CORO7: variants seen among roughly 807,000 people sequenced by gnomAD.
CORO7 encodes coronin-7.
A neutral mutation model predicts 126.6 loss-of-function variants in CORO7; 107 were observed. That is an observed-to-expected ratio of 0.85 (90% confidence interval 0.72 to 0.99). The LOEUF is 0.99. Ranked by LOEUF, CORO7 falls within the 50% of genes least tolerant of loss-of-function variation. The pLI is 0.00. For synonymous variants in CORO7, 603 were observed against 536.8 expected, an observed-to-expected ratio of 1.12 and a Z score of -1.70; for missense variants, 1,314 against 1,255.8, an observed-to-expected ratio of 1.05 and a Z score of -0.70.
chr16:4,414,907 G>A (rs2056350438), intron 1 of CORO7, among the ~76,000 whole-genome samples: 1 of 152,030 alleles, frequency 6.6e-6, no homozygotes, highest in Admixed American at 6.6e-5. Context: ...TATTGCCCAG[G>A]CTGGTGTGTA....
In CORO7 at chr16:4,381,605, G is replaced by T. The variant is rs764197715; in HGVS notation, c.785+6381C>A. On this transcript the variant is annotated intron_variant, in intron 9 of 27. Coordinates refer to ENST00000251166, the MANE Select transcript of CORO7 (RefSeq NM_024535.5). Reference sequence around the variant, plus strand: ...ATCCGAGGCCTCCGGGGCCTGACGCGCCTGCGGCTGGCCGGCAACACCCGC... The same window carrying T: ...ATCCGAGGCCTCCGGGGCCTGACGCTCCTGCGGCTGGCCGGCAACACCCGC... The T allele has an allele frequency of 2.7e-4, 429 of 1,598,442 alleles. No homozygotes were observed. Among genetic ancestry groups the T allele is most frequent in the Non-Finnish European group, 3.5e-4 (416 of 1,173,270 alleles).
rs1293769488 is a variant in CORO7 at position 4,359,520 on chromosome 16, C to G, written c.2210G>C (p.Ser737Thr). 1.2e-6 allele frequency: 2 copies of G among 1,613,454 alleles called. No homozygotes were observed. Among genetic ancestry groups the G allele is most frequent in the Admixed American group, 3.3e-5 (2 of 60,008 alleles). The change falls in exon 22 of 28, where the codon AGC becomes ACC. Residue 737 changes from serine to threonine, a missense_variant. Ser to Thr is a moderately conservative substitution (Grantham distance 58). Coordinates refer to ENST00000251166, the MANE Select transcript of CORO7 (RefSeq NM_024535.5). ...LDVAPSTLLP[S>T]YDPDTGLVLL... ...CACCAGGCCAGTGTCTGGGTCGTAGCTGGGCAGCAGGGTTGAGGGAGCCAC... is the reference window on the plus strand; with the variant it reads ...CACCAGGCCAGTGTCTGGGTCGTAGGTGGGCAGCAGGGTTGAGGGAGCCAC...
chr16:4,412,811 A>G (rs2056263687), intron 2 of CORO7: 1 of 282,464 alleles, frequency 3.5e-6, no homozygotes, highest in East Asian at 7.2e-5. Context: ...CAGGGCCGAC[A>G]GTACATGTGA....
rs1262134613 is a variant in CORO7, at chr16:4,380,881, T to G, written c.785+7105A>C. The G allele has an allele frequency of 6.6e-7, 1 of 1,520,824 alleles. No homozygotes were observed. Among genetic ancestry groups the G allele is most frequent in the African/African-American group, 1.4e-5 (1 of 72,520 alleles). 94.2% of individuals were successfully genotyped at this position (1,520,824 alleles called of 1,614,324 possible). A position where few individuals can be genotyped will look rare whatever the true frequency, so the allele number is the denominator to read the frequency against. ...TCTCTGCTCCCAGGGACAGAAGATG[T>G]GCTCCAGGGTCCCTCTGCTGCTGCC... On this transcript the variant is annotated intron_variant, in intron 9 of 27. Transcript: ENST00000251166.
intron 9 of CORO7, among the ~76,000 whole-genome samples, chr16:4,380,355 T>C (rs1268120749): frequency 6.6e-6 from 1 of 152,210 alleles, no homozygotes; most frequent in Admixed American, 6.5e-5. Flanking sequence ...ATAGTTTCCA[T>C]GTGAAGTCTT....
intron 9 of CORO7, among the ~76,000 whole-genome samples, chr16:4,387,092 C>T (rs1336388892): frequency 2.6e-5 from 4 of 152,214 alleles, no homozygotes; most frequent in African/African-American, 7.2e-5. Flanking sequence ...TCCAGCAAGG[C>T]CCTTATAAGT....
At chr16:4,372,502 G>A (rs1183172392) in intron 9 of CORO7, among the ~76,000 whole-genome samples, 3 of 152,212 alleles carry the variant, frequency 2.0e-5, no homozygotes, top group Non-Finnish European at 4.4e-5. Context: ...AGTGGCTGGT[G>A]GGCGTCCGAT....
At chr16:4,356,942 TG>T (rs2053994529) in intron 26 of CORO7, 3 of 603,474 alleles carry the variant, frequency 5.0e-6, no homozygotes, top group Non-Finnish European at 8.6e-6. Context: ...CGGCTTAGGC[TG>T]GGTTTGGCCT....
chr16:4,381,931 A>T, intron 9 of CORO7: 1 of 1,605,598 alleles, frequency 6.2e-7, no homozygotes, highest in South Asian at 1.1e-5. Context: ...CTGCCCAGCC[A>T]CCACCACCAC....
intron 9 of CORO7, among the ~76,000 whole-genome samples, chr16:4,377,479 C>T (rs1490363873): frequency 1.3e-5 from 2 of 152,154 alleles, no homozygotes; most frequent in African/African-American, 4.8e-5. Context: ...AAAAGAACTT[C>T]CCCATTTGAA....
chr16:4,377,476 C>T (rs1596300527), intron 9 of CORO7, among the ~76,000 whole-genome samples: 1 of 152,196 alleles, frequency 6.6e-6, no homozygotes, highest in African/African-American at 2.4e-5. Context: ...GTTAAAAGAA[C>T]TTCCCCATTT....
intron 5 of CORO7, among the ~76,000 whole-genome samples, chr16:4,406,701 G>A (rs1038413045): frequency 2.6e-5 from 4 of 151,700 alleles, no homozygotes; most frequent in South Asian, 2.1e-4. Context: ...ATCTCTCTTC[G>A]CTCTCCATAG....
intron 9 of CORO7, chr16:4,381,444 G>A (rs775741897): frequency 1.9e-6 from 3 of 1,580,566 alleles, no homozygotes; most frequent in Non-Finnish European, 1.7e-6. Flanking sequence ...CCGGCATCCT[G>A]GACACTGCCA....
intron 9 of CORO7, chr16:4,382,818 C>G: frequency 6.3e-7 from 1 of 1,596,258 alleles, no homozygotes. Flanking sequence ...CCCTGCCCAG[C>G]GGGTCTGAGT....
In CORO7 at chr16:4,360,487, C is replaced by T. The variant is rs556093901; in HGVS notation, c.1979G>A (p.Arg660His). ...ACTCCGGGGCCTGTAGACCCGCACACGCCCATCCTTGCAGACAGTGGCCAG... is the reference window on the plus strand; with the variant it reads ...ACTCCGGGGCCTGTAGACCCGCACATGCCCATCCTTGCAGACAGTGGCCAG... ...QQLATVCKDG[R>H]VRVYRPRSGP... The change falls in exon 20 of 28, where the codon CGT (arginine) becomes CAT (histidine). Residue 660 changes from arginine (R) to histidine (H), a missense_variant. By Grantham distance (29) the Arg-to-His change is conservative. Transcript: ENST00000251166. 15 of 1,612,392 alleles carry T rather than the reference C, an allele frequency of 9.3e-6. No individual in the cohort carries two copies. The highest frequency in any genetic ancestry group is 2.2e-5 in the East Asian group (1 of 44,862).
At chr16:4,411,542 C>G (rs1262522599) in intron 3 of CORO7, among the ~76,000 whole-genome samples, 1 of 152,120 alleles carries the variant, frequency 6.6e-6, no homozygotes, top group African/African-American at 2.4e-5. Context: ...TCTCTATATA[C>G]TTTTTAAAAA....
chr16:4,371,719 C>G (rs888718441), intron 9 of CORO7: 7 of 152,254 alleles, frequency 4.6e-5, no homozygotes, highest in African/African-American at 9.6e-5. Flanking sequence ...ACCCGGCCCA[C>G]GAGCCCCTCG....
chr16:4,402,903 T>C (rs1447922885), intron 6 of CORO7, among the ~76,000 whole-genome samples: 1 of 151,222 alleles, frequency 6.6e-6, no homozygotes, highest in Admixed American at 6.6e-5. Context: ...CCAGTGGGAG[T>C]AGCTGAGAGG....
At chr16:4,380,058 A>C (rs1298568712) in intron 9 of CORO7, among the ~76,000 whole-genome samples, 1 of 131,648 alleles carries the variant, frequency 7.6e-6, no homozygotes, top group African/African-American at 2.8e-5. Context: ...ACTCCGTCTC[A>C]AAAAAAAAAA....
Sources: gnomAD v4.1 joint callset for allele counts (sites outside exome capture counted in the v4.1 genomes callset) on GRCh38, gnomAD v4.1.1 for gene constraint, MANE v1.5 for transcripts, NCBI Gene and HGNC (gene_info 2026-07-23, HGNC 2026-07-21) for gene names.